The following MARCKS variants were observed in gnomAD, a reference collection of about 807,000 sequenced individuals.
MARCKS encodes the protein myristoylated alanine-rich C-kinase substrate.
Under a neutral mutation model 6.3 loss-of-function variants are expected in MARCKS, and 4 were observed. The observed-to-expected ratio is 0.63, with a 90% CI of 0.31 to 1.45. The LOEUF (loss-of-function observed/expected upper bound fraction) is 1.45, where lower values mean the gene tolerates loss of function less well. Ranked by LOEUF, MARCKS falls within the 40% of genes most tolerant of loss-of-function variation. The pLI is 0.07. For missense variants in MARCKS, 636 were observed against 485.7 expected, an observed-to-expected ratio of 1.31 and a Z score of -2.91; for synonymous variants, 289 against 236.5, an observed-to-expected ratio of 1.22 and a Z score of -2.04.
chr6:113,859,922 C>G lies in MARCKS; in HGVS notation c.342C>G (p.Ala114=), dbSNP rs772417409. The G allele has an allele frequency of 2.7e-6, 4 of 1,465,224 alleles. No individual in the cohort carries two copies. Among genetic ancestry groups the G allele is most frequent in the South Asian group, 2.5e-5 (2 of 78,902 alleles). The allele number at this position is 1,465,224 out of a possible 1,614,324, so 90.8% of individuals were successfully genotyped here. Residue 114 remains alanine, a synonymous_variant, in exon 2 of 2, where the codon GCC becomes GCG. Transcript: ENST00000612661. ...EKEAPAEGEA[A]EPGSPTAAEG... is the part of the protein sequence containing the mutation. ...AGGCCCCCGCGGAAGGCGAGGCTGC[C>G]GAGCCCGGCTCGCCCACGGCCGCGG...
chr6:113,857,459 G>T lies in MARCKS; in HGVS notation c.-287G>T, dbSNP rs113213077. ...TTTTTTTATTACTTCTTTTTTTTTCGAACTACACTTGGGCTCCTTTTTTTG... is the reference window on the plus strand; with the variant it reads ...TTTTTTTATTACTTCTTTTTTTTTCTAACTACACTTGGGCTCCTTTTTTTG... On this transcript the variant is annotated 5_prime_UTR_variant, in exon 1 of 2. Transcript: ENST00000612661. 6 of 348,900 alleles carry T rather than the reference G, an allele frequency of 1.7e-5. No individual in the cohort carries two copies. Among genetic ancestry groups the T allele is most frequent in the Non-Finnish European group, 3.1e-5 (6 of 191,420 alleles). The allele number at this position is 348,900 out of a possible 1,614,324, so 21.6% of individuals were successfully genotyped here.
In MARCKS at chr6:113,859,960, C is replaced by T. The variant is rs1393079118; in HGVS notation, c.380C>T (p.Ala127Val). The T allele has an allele frequency of 2.6e-6, 4 of 1,514,286 alleles. No homozygotes were observed. Among genetic ancestry groups the T allele is most frequent in the Non-Finnish European group, 3.5e-6 (4 of 1,137,922 alleles). 93.8% of individuals were successfully genotyped at this position (1,514,286 alleles called of 1,614,324 possible). A position where few individuals can be genotyped will look rare whatever the true frequency, so the allele number is the denominator to read the frequency against. The change falls in exon 2 of 2, where the codon GCG becomes GTG. Residue 127 changes from alanine (A) to valine (V), a missense_variant. Physicochemically the swap from Ala to Val is moderately conservative, Grantham distance 64. Coordinates refer to ENST00000612661, the MANE Select transcript of MARCKS (RefSeq NM_002356.7). The stretch of plus-strand genomic sequence containing the variant: ...CCCACGGCCGCGGAGGGAGAGGCCG[C>T]GTCGGCCGCCTCCTCGACTTCTTCG... ...GSPTAAEGEAASAASSTSSPK... is the reference protein window; with the variant it reads ...GSPTAAEGEAVSAASSTSSPK...
intron 1 of MARCKS, among the ~76,000 whole-genome samples, chr6:113,858,631 T>A (rs572480034): frequency 6.6e-6 from 1 of 152,324 alleles, no homozygotes; most frequent in South Asian, 2.1e-4. Context: ...CGCCCGGCGC[T>A]GCCCGGACCC....
intron 1 of MARCKS, among the ~76,000 whole-genome samples, chr6:113,858,266 C>CGGG (rs3837006): frequency 2.2e-4 from 24 of 111,578 alleles, no homozygotes; most frequent in African/African-American, 5.9e-4. Context: ...TTGTGTGTGG[C>CGGG]GGGGGGGGGA....
At position 113,862,865 on chromosome 6, in the gene MARCKS, CT is replaced by C. The variant is rs1244497875; in HGVS notation, c.*2288del. 1 of 152,126 alleles carries C rather than the reference CT, an allele frequency of 6.6e-6. No individual in the cohort carries two copies. The highest frequency in any genetic ancestry group is 1.5e-5 in the Non-Finnish European group (1 of 67,990). 9.4% of individuals were successfully genotyped at this position (152,126 alleles called of 1,614,324 possible). Reference sequence around the variant, plus strand: ...GGGTATGTATTTTTAGTTAGGGTTTCTTGATCTTGGAGGATGTTTGAAAGTT... The same window carrying C: ...GGGTATGTATTTTTAGTTAGGGTTTCTGATCTTGGAGGATGTTTGAAAGTT... On this transcript the variant is annotated 3_prime_UTR_variant, in exon 2 of 2. Transcript: ENST00000612661.
In MARCKS at chr6:113,861,053, T is replaced by C. The variant is rs1157863858; in HGVS notation, c.*474T>C. ...TAACATTGCCAAAATAGTGTGCCAC[T>C]AGAAATGGTGTAAAGGCTGTCTTTT... On this transcript the variant is annotated 3_prime_UTR_variant, in exon 2 of 2. Transcript: ENST00000612661. 6.7e-6 allele frequency: 1 copy of C among 149,152 alleles called. No homozygotes were observed. The highest frequency in any genetic ancestry group is 1.5e-5 in the Non-Finnish European group (1 of 67,616). The allele number at this position is 149,152 out of a possible 1,614,324, so 9.2% of individuals were successfully genotyped here. A position where few individuals can be genotyped will look rare whatever the true frequency, so the allele number is the denominator to read the frequency against.
Position 113,860,738 on chromosome 6 carries a change from G to GTTT in MARCKS, c.*169_*171dup. 1.8e-5 allele frequency: 6 copies of GTTT among 336,408 alleles called. No individual in the cohort carries two copies. The highest frequency in any genetic ancestry group is 1.6e-5 in the Non-Finnish European group (3 of 186,898). The allele number at this position is 336,408 out of a possible 1,614,324, so 20.8% of individuals were successfully genotyped here. On this transcript the variant is annotated 3_prime_UTR_variant, in exon 2 of 2. Coordinates refer to ENST00000612661, the MANE Select transcript of MARCKS (RefSeq NM_002356.7). ...TTTTTTTTAAGCACCAAATTTTGTTGTTTTTTTTTTTTCTCCCCTCCCCAC... is the reference window on the plus strand; with the variant it reads ...TTTTTTTTAAGCACCAAATTTTGTTGTTTTTTTTTTTTTTTCTCCCCTCCCCAC...
In MARCKS at chr6:113,862,379, T is replaced by A. The variant is rs1757225792; in HGVS notation, c.*1800T>A. The A allele has an allele frequency of 6.6e-6, 1 of 151,810 alleles. No individual in the cohort carries two copies. Among genetic ancestry groups the A allele is most frequent in the African/African-American group, 2.4e-5 (1 of 41,376 alleles). 9.4% of individuals were successfully genotyped at this position (151,810 alleles called of 1,614,324 possible). A position where few individuals can be genotyped will look rare whatever the true frequency, so the allele number is the denominator to read the frequency against. The stretch of plus-strand genomic sequence containing the variant: ...CAAAGTAATGGTGTTGAATGGATGA[T>A]GTCAGTTCATGGGCCTTTAGCATAG... On this transcript the variant is annotated 3_prime_UTR_variant, in exon 2 of 2. Transcript: ENST00000612661.
chr6:113,860,494 C>G lies in MARCKS; in HGVS notation c.914C>G (p.Ala305Gly), dbSNP rs766585915. The G allele has an allele frequency of 6.6e-7, 1 of 1,512,864 alleles. No individual in the cohort carries two copies. Among genetic ancestry groups the G allele is most frequent in the Non-Finnish European group, 8.8e-7 (1 of 1,130,056 alleles). The allele number at this position is 1,512,864 out of a possible 1,614,324, so 93.7% of individuals were successfully genotyped here. A position where few individuals can be genotyped will look rare whatever the true frequency, so the allele number is the denominator to read the frequency against. ...AAPAEEPAAA[A>G]ASSACAAPSQ... is the part of the protein sequence containing the mutation. ...CCCGCGGAGGAGCCCGCGGCCGCCG[C>G]AGCCTCGTCAGCCTGCGCAGCCCCC... The change falls in exon 2 of 2, where the codon GCA (alanine) becomes GGA (glycine). Residue 305 changes from alanine (A) to glycine (G), a missense_variant. Physicochemically the swap from Ala to Gly is moderately conservative, Grantham distance 60. Transcript: ENST00000612661.
chr6:113,857,504 T>C lies in MARCKS; in HGVS notation c.-242T>C, dbSNP rs1774803325. The C allele has an allele frequency of 2.1e-5, 10 of 474,716 alleles. No homozygotes were observed. The South Asian group carries it at 2.6e-4, about 12-fold the overall frequency. 29.4% of individuals were successfully genotyped at this position (474,716 alleles called of 1,614,324 possible). ...TTTTTGTGCTCGACTTTTCCACCCT[T>C]TTTCCCTCCCTCCTGTGCTGCTGCT... On this transcript the variant is annotated 5_prime_UTR_variant, in exon 1 of 2. Coordinates refer to ENST00000612661, the MANE Select transcript of MARCKS (RefSeq NM_002356.7).
rs1279483445 is a variant in MARCKS, at chr6:113,862,458, C to T, written c.*1879C>T. 1 of 139,736 alleles carries T rather than the reference C, an allele frequency of 7.2e-6. No homozygotes were observed. Among genetic ancestry groups the T allele is most frequent in the Non-Finnish European group, 1.5e-5 (1 of 65,656 alleles). 8.7% of individuals were successfully genotyped at this position (139,736 alleles called of 1,614,324 possible). ...TTGAAAGTGTGTTAGCATCTTGTTACTCAAAGGATAAGACAGACAATAATA... is the reference window on the plus strand; with the variant it reads ...TTGAAAGTGTGTTAGCATCTTGTTATTCAAAGGATAAGACAGACAATAATA... On this transcript the variant is annotated 3_prime_UTR_variant, in exon 2 of 2. Transcript: ENST00000612661.
rs777714355 is a variant in MARCKS, at chr6:113,857,713, G to A, written c.-33G>A. On this transcript the variant is annotated 5_prime_UTR_variant, in exon 1 of 2. Transcript: ENST00000612661. ...CCGAGGCTCTTTGTTTCCCCTCTTG[G>A]ATCTGTTGAGTTTCTTTGTTGAAGA... 53 of 1,538,434 alleles carry A rather than the reference G, an allele frequency of 3.4e-5. No individual in the cohort carries two copies. The highest frequency in any genetic ancestry group is 4.6e-5 in the Non-Finnish European group (52 of 1,128,452).
chr6:113,859,064 T>G (rs1368006505), intron 1 of MARCKS, among the ~76,000 whole-genome samples: 1 of 151,880 alleles, frequency 6.6e-6, no homozygotes, highest in East Asian at 1.9e-4. Flanking sequence ...ACTCCGCCCC[T>G]CCTCGCCTGC....
chr6:113,860,453 G>C lies in MARCKS; in HGVS notation c.873G>C (p.Pro291=), dbSNP rs553740716. ...CCGCCGCCGGGCCCGGCGCGCCCCC[G>C]GAGCAGGAGGCAGCCCCCGCGGAGG... is the stretch of plus-strand genomic sequence containing the variant. ...APSAAGPGAP[P]EQEAAPAEEP... is the part of the protein sequence containing the mutation. The change falls in exon 2 of 2, where the codon CCG becomes CCC. Residue 291 remains proline (P), a synonymous_variant. Transcript: ENST00000612661. The C allele has an allele frequency of 1.6e-6, 2 of 1,288,432 alleles. No individual in the cohort carries two copies. Among genetic ancestry groups the C allele is most frequent in the South Asian group, 3.9e-5 (2 of 51,174 alleles). 79.8% of individuals were successfully genotyped at this position (1,288,432 alleles called of 1,614,324 possible).
rs1774801103 is a variant in MARCKS at position 113,857,401 on chromosome 6, C to T, written c.-345C>T. On this transcript the variant is annotated 5_prime_UTR_variant, in exon 1 of 2. Coordinates refer to ENST00000612661, the MANE Select transcript of MARCKS (RefSeq NM_002356.7). The stretch of plus-strand genomic sequence containing the variant: ...GCAACCAGGGAGATTTCTCCATTTT[C>T]CTCTTGTCTACAGTGCGGCTACAAA... The T allele has an allele frequency of 8.3e-6, 2 of 241,490 alleles. No homozygotes were observed. The highest frequency in any genetic ancestry group is 4.7e-5 in the South Asian group (1 of 21,410). The allele number at this position is 241,490 out of a possible 1,614,324, so 15.0% of individuals were successfully genotyped here. A position where few individuals can be genotyped will look rare whatever the true frequency, so the allele number is the denominator to read the frequency against.
chr6:113,862,777 A>C lies in MARCKS; in HGVS notation c.*2198A>C, dbSNP rs564637981. The C allele has an allele frequency of 3.3e-5, 5 of 152,296 alleles. No homozygotes were observed. The East Asian group carries it at 7.7e-4, about 23-fold the overall frequency. The allele number at this position is 152,296 out of a possible 1,614,324, so 9.4% of individuals were successfully genotyped here. The stretch of plus-strand genomic sequence containing the variant: ...ATTCTTAATTGGAATAATGGATCAA[A>C]AATAGTGGTTCATGACCTTACCAAA... On this transcript the variant is annotated 3_prime_UTR_variant, in exon 2 of 2. Transcript: ENST00000612661.
chr6:113,860,208 G>A lies in MARCKS; in HGVS notation c.628G>A (p.Ala210Thr). The A allele has an allele frequency of 2.7e-6, 3 of 1,111,698 alleles. No homozygotes were observed. The highest frequency in any genetic ancestry group is 3.3e-6 in the Non-Finnish European group (3 of 906,984). 68.9% of individuals were successfully genotyped at this position (1,111,698 alleles called of 1,614,324 possible). A position where few individuals can be genotyped will look rare whatever the true frequency, so the allele number is the denominator to read the frequency against. Residue 210 changes from alanine (A) to threonine (T), a missense_variant, in exon 2 of 2, where the codon GCC (alanine) becomes ACC (threonine). Physicochemically the swap from Ala to Thr is moderately conservative, Grantham distance 58. Transcript: ENST00000612661. Reference sequence around the variant, plus strand: ...TGCGGCCGCCGCCGAGGCGGGCGCGGCCTCCGGGGAGCAGGCAGCGGCGCC... The same window carrying A: ...TGCGGCCGCCGCCGAGGCGGGCGCGACCTCCGGGGAGCAGGCAGCGGCGCC... The part of the protein sequence containing the change: ...AAAAAAEAGA[A>T]SGEQAAAPGE...
rs1774913433 is a variant in MARCKS, at chr6:113,862,382, C to T, written c.*1803C>T. On this transcript the variant is annotated 3_prime_UTR_variant, in exon 2 of 2. Transcript: ENST00000612661. ...AGTAATGGTGTTGAATGGATGATGT[C>T]AGTTCATGGGCCTTTAGCATAGTTT... 1 of 148,014 alleles carries T rather than the reference C, an allele frequency of 6.8e-6. No homozygotes were observed. Among genetic ancestry groups the T allele is most frequent in the East Asian group, 2.0e-4 (1 of 5,086 alleles). The allele number at this position is 148,014 out of a possible 1,614,324, so 9.2% of individuals were successfully genotyped here. A position where few individuals can be genotyped will look rare whatever the true frequency, so the allele number is the denominator to read the frequency against.
rs1456545345 is a variant in MARCKS, at chr6:113,862,593, ATGT to A, written c.*2015_*2017del. On this transcript the variant is annotated 3_prime_UTR_variant, in exon 2 of 2. Transcript: ENST00000612661. ...CCCTAAACTGATTGAAATTTAAGAT[ATGT>A]ATCAAAAACATTATTTCATTTAATG... 1 of 152,126 alleles carries A rather than the reference ATGT, an allele frequency of 6.6e-6. No individual in the cohort carries two copies. The highest frequency in any genetic ancestry group is 1.5e-5 in the Non-Finnish European group (1 of 67,980). The allele number at this position is 152,126 out of a possible 1,614,324, so 9.4% of individuals were successfully genotyped here. A position where few individuals can be genotyped will look rare whatever the true frequency, so the allele number is the denominator to read the frequency against.
Sources: gnomAD v4.1 joint callset for allele counts (sites outside exome capture counted in the v4.1 genomes callset) on GRCh38, gnomAD v4.1.1 for gene constraint, MANE v1.5 for transcripts, NCBI Gene and HGNC (gene_info 2026-07-23, HGNC 2026-07-21) for gene names.